Variants in MDGA2 observed in about 807,000 individuals in gnomAD.
MDGA2 encodes the protein MAM domain containing glycosylphosphatidylinositol anchor 2.
MDGA2 carries 40 observed loss-of-function variants against 117.8 expected under a neutral mutation model. The ratio of observed to expected loss-of-function variants is 0.34; its 90% confidence interval spans 0.26 to 0.44. The LOEUF is 0.44. Among genes scored for constraint, MDGA2 ranks in the 20% least tolerant of loss-of-function variants. The pLI is 1.00. For missense variants in MDGA2, 1,123 were observed against 1,250.6 expected, an observed-to-expected ratio of 0.90 and a Z score of 1.54; for synonymous variants, 452 against 439.0, an observed-to-expected ratio of 1.03 and a Z score of -0.37.
At chr14:47,065,838 T>C (rs1165370034) in intron 6 of MDGA2, among the ~76,000 whole-genome samples, 3 of 152,176 alleles carry the variant, frequency 2.0e-5, no homozygotes, top group Non-Finnish European at 4.4e-5. Context: ...TTCAGGTTGA[T>C]AAATTGCTGA....
intron 1 of MDGA2, among the ~76,000 whole-genome samples, chr14:47,462,734 T>C (rs550173793): frequency 7.0e-6 from 1 of 143,202 alleles, no homozygotes; most frequent in Non-Finnish European, 1.5e-5. Context: ...CAATGAAGCA[T>C]TTTTTTTTTA....
intron 11 of MDGA2, among the ~76,000 whole-genome samples, chr14:46,879,976 C>T (rs1356187775): frequency 6.6e-6 from 1 of 152,100 alleles, no homozygotes; most frequent in Non-Finnish European, 1.5e-5. Flanking sequence ...AGTACTTCAG[C>T]TGCAAACAAA....
At chr14:46,930,224 G>C (rs889786965) in intron 9 of MDGA2, among the ~76,000 whole-genome samples, 6 of 152,046 alleles carry the variant, frequency 3.9e-5, no homozygotes, top group Non-Finnish European at 7.4e-5. Flanking sequence ...AACAGAATTT[G>C]TCTCCCACAG....
chr14:47,610,576 A>AAACAAC (rs569248521), intron 1 of MDGA2, among the ~76,000 whole-genome samples: 11,063 of 151,610 alleles, frequency 0.073, 401 homozygotes, highest in Non-Finnish European at 0.093. Context: ...AAAAACAAAC[A>AAACAAC]AACAACAACA....
Position 47,202,984 on chromosome 14 carries a change from A to G in MDGA2, c.595+15037T>C, listed in dbSNP as rs115682244. 9.5e-3 allele frequency among the ~76,000 whole-genome samples: 1,452 copies of G among 152,166 alleles called. 24 individuals are homozygous for G. Among genetic ancestry groups the G allele is most frequent in the African/African-American group, 0.031 (1,296 of 41,548 alleles). On this transcript the variant is annotated intron_variant, in intron 3 of 16. Coordinates refer to ENST00000399232, the MANE Select transcript of MDGA2 (RefSeq NM_001113498.3). ...CAGTTTGGTGTTTTAAATACCTAAA[A>G]AGAGTTTCCAATTCTCATGTTCAAT...
At chr14:47,364,510 C>G (rs575349083) in intron 1 of MDGA2, among the ~76,000 whole-genome samples, 1 of 152,138 alleles carries the variant, frequency 6.6e-6, no homozygotes, top group Non-Finnish European at 1.5e-5. Context: ...GTGATCCACC[C>G]GCCTCGGCCT....
chr14:46,969,789 TA>T (rs1230927143), intron 8 of MDGA2, among the ~76,000 whole-genome samples: 1 of 150,102 alleles, frequency 6.7e-6, no homozygotes, highest in African/African-American at 2.5e-5. Flanking sequence ...CGTTGTGGGG[TA>T]GGGGGAAGGG....
intron 8 of MDGA2, among the ~76,000 whole-genome samples, chr14:47,011,115 G>A (rs1167999758): frequency 1.3e-5 from 2 of 151,794 alleles, no homozygotes; most frequent in African/African-American, 4.8e-5. Flanking sequence ...ATTTGGAGCT[G>A]GGCAAAGATA....
intron 7 of MDGA2, among the ~76,000 whole-genome samples, 183 bp from the exon 8 acceptor site, chr14:47,035,487 G>A (rs1233439339): frequency 6.6e-6 from 1 of 152,120 alleles, no homozygotes; most frequent in Non-Finnish European, 1.5e-5. Flanking sequence ...TGTTTTCACT[G>A]TATATTTTAA....
chr14:47,343,281 A>T, intron 1 of MDGA2: 1 of 1,132,268 alleles, frequency 8.8e-7, no homozygotes, highest in Non-Finnish European at 1.1e-6. Flanking sequence ...TCAGGAAGGC[A>T]ATGTTAACTA....
At chr14:47,255,509 G>A (rs1887589044) in intron 2 of MDGA2, among the ~76,000 whole-genome samples, 1 of 152,150 alleles carries the variant, frequency 6.6e-6, no homozygotes, top group African/African-American at 2.4e-5. Flanking sequence ...ATCTTCAGAA[G>A]CTTTTCAAAA....
intron 1 of MDGA2, among the ~76,000 whole-genome samples, chr14:47,639,598 C>A (rs913828598): frequency 3.9e-5 from 6 of 152,078 alleles, no homozygotes; most frequent in African/African-American, 1.2e-4. Context: ...GCACAGATAA[C>A]CTCTTAGATT....
intron 9 of MDGA2, among the ~76,000 whole-genome samples, chr14:46,942,112 A>AT (rs1885021695): frequency 6.6e-6 from 1 of 152,204 alleles, no homozygotes; most frequent in Non-Finnish European, 1.5e-5. Flanking sequence ...TGCAAGAAAT[A>AT]TAAGAGAGAA....
At chr14:47,086,847 A>T (rs533308670) in intron 6 of MDGA2, among the ~76,000 whole-genome samples, 2 of 152,276 alleles carry the variant, frequency 1.3e-5, no homozygotes, top group African/African-American at 4.8e-5. Context: ...CTGAGATTTG[A>T]ACAACACATT....
At chr14:47,080,412 G>A (rs115930176) in intron 6 of MDGA2, among the ~76,000 whole-genome samples, 2,636 of 152,102 alleles carry the variant, frequency 0.017, 61 homozygotes, top group African/African-American at 0.06. Flanking sequence ...TATTTTTCTA[G>A]AAAACAAATC....
At chr14:47,588,076 A>G (rs1379121764) in intron 1 of MDGA2, among the ~76,000 whole-genome samples, 2 of 151,730 alleles carry the variant, frequency 1.3e-5, no homozygotes, top group Non-Finnish European at 2.9e-5. Flanking sequence ...ATTACTGAAT[A>G]ATATTCAATT....
At chr14:47,420,059 A>C (rs774326265) in intron 1 of MDGA2, among the ~76,000 whole-genome samples, 1 of 152,176 alleles carries the variant, frequency 6.6e-6, no homozygotes, top group African/African-American at 2.4e-5. Context: ...AAATTATGCC[A>C]GTGTGGGGTT....
In MDGA2 at chr14:46,922,876, G is replaced by A. The variant is rs538098942; in HGVS notation, c.2090-2716C>T. 9.2e-5 allele frequency among the ~76,000 whole-genome samples: 14 copies of A among 152,316 alleles called. 2 individuals carry two copies. The highest frequency in any genetic ancestry group is 2.4e-4 in the African/African-American group (10 of 41,578). ...AAGACTGAGAGACATCAGATAATGC[G>A]GATGGAGCGAAGTAGGATAGAATAA... On this transcript the variant is annotated intron_variant, in intron 9 of 16. Transcript: ENST00000399232.
intron 5 of MDGA2, among the ~76,000 whole-genome samples, chr14:47,113,960 T>C (rs1881184957): frequency 6.6e-6 from 1 of 152,038 alleles, no homozygotes; most frequent in South Asian, 2.1e-4. Flanking sequence ...AGAGAGGAAG[T>C]CAAACTGTAT....
Sources: allele counts gnomAD v4.1 joint callset (sites outside exome capture counted in the v4.1 genomes callset), GRCh38; gene constraint gnomAD v4.1.1; transcripts MANE v1.5; gene names NCBI Gene and HGNC (gene_info 2026-07-23, HGNC 2026-07-21).